The following LCA5L variants were observed in gnomAD, a reference collection of about 807,000 sequenced individuals.
LCA5L encodes the protein lebercilin-like protein.
A neutral mutation model predicts 45.4 loss-of-function variants in LCA5L; 35 were observed. The observed-to-expected ratio is 0.77, with a 90% CI of 0.59 to 1.02. The LOEUF (loss-of-function observed/expected upper bound fraction) is 1.02, where lower values mean the gene tolerates loss of function less well. Among genes scored for constraint, LCA5L ranks in the 50% least tolerant of loss-of-function variants. The pLI is 0.00. For missense variants in LCA5L, 668 were observed against 761.6 expected (o/e 0.88, Z 1.45); for synonymous variants, 233 against 264.7 (o/e 0.88, Z 1.16).
chr21:39,431,350 G>A (rs1423454820), intron 3 of LCA5L, among the ~76,000 whole-genome samples: 1 of 151,990 alleles, frequency 6.6e-6, no homozygotes, highest in African/African-American at 2.4e-5. Flanking sequence ...ATGTTTCAGT[G>A]AGAAGATCCC....
intron 1 of LCA5L, among the ~76,000 whole-genome samples, chr21:39,444,403 T>C (rs1037593886): frequency 6.6e-6 from 1 of 152,246 alleles, no homozygotes; most frequent in Non-Finnish European, 1.5e-5. Context: ...AGGATGCTTA[T>C]ATGGCCTTGC....
At chr21:39,435,898 A>G (rs184679891) in intron 2 of LCA5L, among the ~76,000 whole-genome samples, 7 of 152,304 alleles carry the variant, frequency 4.6e-5, no homozygotes, top group African/African-American at 1.7e-4. Context: ...TTGGCCTCCC[A>G]AAGTGCTGGG....
chr21:39,431,452 G>A (rs1230654525), intron 3 of LCA5L, among the ~76,000 whole-genome samples: 1 of 151,846 alleles, frequency 6.6e-6, no homozygotes, highest in East Asian at 1.9e-4. Flanking sequence ...GCAAAGGGTG[G>A]TCTTACCATA....
intron 2 of LCA5L, among the ~76,000 whole-genome samples, chr21:39,440,000 TACAC>T (rs2076660636): frequency 6.6e-6 from 1 of 152,216 alleles, no homozygotes. Context: ...TACACACACA[TACAC>T]ACACAAGGAG....
At chr21:39,428,681 T>A (rs1443319826) in intron 4 of LCA5L, among the ~76,000 whole-genome samples, 178 bp from the exon 5 acceptor site, 1 of 141,832 alleles carries the variant, frequency 7.1e-6, no homozygotes, top group Non-Finnish European at 1.5e-5. Flanking sequence ...GGTGTGGCCA[T>A]GGCTTTCTGC....
intron 5 of LCA5L, chr21:39,426,083 T>G (rs1157454203): frequency 6.6e-6 from 1 of 152,232 alleles, no homozygotes; most frequent in Non-Finnish European, 1.5e-5. Context: ...GTATTCTTCT[T>G]TGTGTGAGGC....
intron 2 of LCA5L, among the ~76,000 whole-genome samples, chr21:39,441,325 C>A (rs764852063): frequency 1.3e-5 from 2 of 151,908 alleles, no homozygotes; most frequent in African/African-American, 4.8e-5. Context: ...AAAAACCAAA[C>A]GAACAAAACA....
intron 5 of LCA5L, among the ~76,000 whole-genome samples, chr21:39,424,201 C>T (rs1269027074): frequency 5.9e-5 from 9 of 152,080 alleles, no homozygotes; most frequent in Non-Finnish European, 1.0e-4. Flanking sequence ...TTAGTAGAGA[C>T]GGAGTTTCAC....
chr21:39,407,611 T>C (rs1410797683), intron 10 of LCA5L, among the ~76,000 whole-genome samples: 1 of 152,180 alleles, frequency 6.6e-6, no homozygotes, highest in Non-Finnish European at 1.5e-5. Context: ...CAGGCAGTTA[T>C]TATAGACAAT....
chr21:39,442,313 G>T (rs2076945370), intron 2 of LCA5L, among the ~76,000 whole-genome samples: 1 of 152,214 alleles, frequency 6.6e-6, no homozygotes, highest in Admixed American at 6.5e-5. Flanking sequence ...GATGAGTCTT[G>T]AGACGCAGGC....
Position 39,409,790 on chromosome 21 carries a change from C to T in LCA5L, c.1282+189G>A, listed in dbSNP as rs2039773288. On this transcript the variant is annotated intron_variant, in intron 10 of 10. Transcript: ENST00000288350. This position sits in a 1 kb window ranked among gnomAD's most constrained non-coding sequence, Gnocchi z 4.2. ...GTATTTTTTAGTAGAGATAGGGTTT[C>T]ACCATGTTGGCCAGGCTGGTCTCAA... 6.6e-6 allele frequency among the ~76,000 whole-genome samples: 1 copy of T among 152,156 alleles called. No homozygotes were observed. Among genetic ancestry groups the T allele is most frequent in the South Asian group, 2.1e-4 (1 of 4,834 alleles).
intron 7 of LCA5L, among the ~76,000 whole-genome samples, chr21:39,416,426 T>C (rs2041166812): frequency 6.6e-6 from 1 of 152,200 alleles, no homozygotes; most frequent in South Asian, 2.1e-4. Context: ...TCCTTAATAG[T>C]TTCTTTGCTT....
chr21:39,425,757 C>CA (rs2147831145), intron 5 of LCA5L: 3 of 152,582 alleles, frequency 2.0e-5, no homozygotes, highest in African/African-American at 7.2e-5. Flanking sequence ...TAATGTCTTC[C>CA]AGCTCTTAGG....
chr21:39,440,043 A>C (rs1024283997), intron 2 of LCA5L, among the ~76,000 whole-genome samples: 1 of 152,172 alleles, frequency 6.6e-6, no homozygotes, highest in East Asian at 1.9e-4. Context: ...CTATGTGCAT[A>C]TATATCTATA....
intron 7 of LCA5L, 84 bp downstream of exon 7, chr21:39,420,622 C>A: frequency 6.2e-6 from 7 of 1,122,526 alleles, no homozygotes; most frequent in East Asian, 3.1e-5. Flanking sequence ...AATAAAAAAT[C>A]ACTTAAAGAT....
intron 7 of LCA5L, among the ~76,000 whole-genome samples, chr21:39,417,774 A>AT (rs960729340): frequency 1.2e-4 from 18 of 150,642 alleles, no homozygotes; most frequent in African/African-American, 3.4e-4. Flanking sequence ...TTAATTTTTA[A>AT]TTTTTTTTTG....
intron 3 of LCA5L, among the ~76,000 whole-genome samples, chr21:39,431,752 G>C (rs1425986993): frequency 1.3e-5 from 2 of 152,090 alleles, no homozygotes; most frequent in Non-Finnish European, 2.9e-5. Flanking sequence ...TCTTGACCTT[G>C]TGATCTGCCC....
Position 39,405,824 on chromosome 21 carries a change from T to C in LCA5L, c.*58A>G, listed in dbSNP as rs545842016. ...TCTCTCACACATTTCAAAAATAAGA[T>C]GCAAGGCACATAAGCAGCATTATAT... On this transcript the variant is annotated 3_prime_UTR_variant, in exon 11 of 11. Transcript: ENST00000288350. The C allele has an allele frequency of 3.3e-5, 43 of 1,285,542 alleles. No homozygotes were observed. In the African/African-American group the frequency reaches 5.2e-4, roughly 16 times the overall value. 79.6% of individuals were successfully genotyped at this position (1,285,542 alleles called of 1,614,324 possible).
rs569835906 is a variant in LCA5L, at chr21:39,418,701, T to G, written c.975+2005A>C. 1.4e-3 allele frequency among the ~76,000 whole-genome samples: 217 copies of G among 152,052 alleles called. 1 individual carries two copies. Among genetic ancestry groups the G allele is most frequent in the African/African-American group, 5.1e-3 (211 of 41,538 alleles). On this transcript the variant is annotated intron_variant, in intron 7 of 10. Transcript: ENST00000288350. ...TTTTAGTAGAGACGGGGTTTTGCCA[T>G]GTTGGTCAGGCTGGTCTCGAACTCC... is the stretch of plus-strand genomic sequence containing the variant.
Sources: gnomAD v4.1 joint callset for allele counts (sites outside exome capture counted in the v4.1 genomes callset) on GRCh38, gnomAD v4.1.1 for gene constraint, Gnocchi (gnomAD v3.1) non-coding constraint, MANE v1.5 for transcripts, NCBI Gene and HGNC (gene_info 2026-07-23, HGNC 2026-07-21) for gene names.